The following THSD7B variants were observed in gnomAD, a reference collection of about 807,000 sequenced individuals.
THSD7B encodes thrombospondin type 1 domain containing 7B.
THSD7B carries 138 observed loss-of-function variants against 213.6 expected under a neutral mutation model. The observed-to-expected ratio is 0.65, with a 90% confidence interval of 0.56 to 0.74. THSD7B has a LOEUF of 0.74. Ranked by LOEUF, THSD7B falls within the 30% of genes least tolerant of loss-of-function variation. THSD7B has a pLI of 0.00. For synonymous variants in THSD7B, 742 were observed against 687.0 expected (o/e 1.08, Z -1.25); for missense variants, 1,931 against 1,991.5 (o/e 0.97, Z 0.58).
At chr2:136,880,573 C>A (rs1683602138) in intron 1 of THSD7B, among the ~76,000 whole-genome samples, 1 of 152,094 alleles carries the variant, frequency 6.6e-6, no homozygotes, top group South Asian at 2.1e-4. Flanking sequence ...CTCAAATGTG[C>A]CCCTCTTCCT....
At chr2:137,240,401 C>G (rs1681874534) in intron 9 of THSD7B, among the ~76,000 whole-genome samples, 1 of 152,160 alleles carries the variant, frequency 6.6e-6, no homozygotes, top group African/African-American at 2.4e-5. Context: ...GATTCCTCTC[C>G]CTTCTTAGAT....
intron 2 of THSD7B, among the ~76,000 whole-genome samples, chr2:136,905,387 A>G (rs1684142547): frequency 6.6e-6 from 1 of 152,208 alleles, no homozygotes; most frequent in African/African-American, 2.4e-5. Context: ...TTATTGAAAG[A>G]AAAGCTAATA....
At chr2:136,900,350 C>T (rs1012995407) in intron 2 of THSD7B, among the ~76,000 whole-genome samples, 1 of 151,996 alleles carries the variant, frequency 6.6e-6, no homozygotes, top group African/African-American at 2.4e-5. Flanking sequence ...AAAAAGTTTC[C>T]TTTGGCTCCT....
intron 14 of THSD7B, among the ~76,000 whole-genome samples, chr2:137,444,895 A>G (rs1030520676): frequency 4.6e-5 from 7 of 152,002 alleles, no homozygotes; most frequent in African/African-American, 1.7e-4. Flanking sequence ...TAACCAGAAT[A>G]TAAAAGGAAC....
chr2:137,170,897 T>A lies in THSD7B; in HGVS notation c.1682T>A (p.Leu561Gln). The part of the protein sequence containing the change: ...ICFPDHGKCG[L>Q]GHRILKAVCQ... ...TTCCCTGATCATGGAAAATGTGGCC[T>A]GGGACATCGTATTCTGAAGGCCGTC... is the stretch of plus-strand genomic sequence containing the variant. Residue 561 changes from leucine to glutamine, a missense_variant, in exon 7 of 28, where the codon CTG becomes CAG. Physicochemically the swap from Leu to Gln is moderately radical, Grantham distance 113. Transcript: ENST00000409968. The A allele has an allele frequency of 6.2e-7, 1 of 1,613,306 alleles. No individual in the cohort carries two copies. Among genetic ancestry groups the A allele is most frequent in the Non-Finnish European group, 8.5e-7 (1 of 1,179,742 alleles).
At chr2:137,212,825 G>T (rs1681147492) in intron 7 of THSD7B, among the ~76,000 whole-genome samples, 1 of 151,994 alleles carries the variant, frequency 6.6e-6, no homozygotes, top group South Asian at 2.1e-4. Flanking sequence ...ACAAAACCAA[G>T]ATGCTATAAA....
intron 7 of THSD7B, among the ~76,000 whole-genome samples, chr2:137,210,183 A>G (rs1291266624): frequency 6.6e-6 from 1 of 152,082 alleles, no homozygotes; most frequent in African/African-American, 2.4e-5. Flanking sequence ...GTAGTCCAAG[A>G]AAATTAACAC....
chr2:137,138,821 A>G (rs1003940480), intron 5 of THSD7B, among the ~76,000 whole-genome samples: 1 of 152,116 alleles, frequency 6.6e-6, no homozygotes, highest in Non-Finnish European at 1.5e-5. Flanking sequence ...TTCCTTTTCA[A>G]TATCAAATTT....
chr2:137,670,975 T>G (rs1417064748), intron 27 of THSD7B, among the ~76,000 whole-genome samples: 3 of 151,702 alleles, frequency 2.0e-5, no homozygotes, highest in African/African-American at 7.3e-5. Flanking sequence ...TAATTTCATA[T>G]TCATAATAGA....
At chr2:137,204,853 A>T (rs1680950438) in intron 7 of THSD7B, among the ~76,000 whole-genome samples, 1 of 152,122 alleles carries the variant, frequency 6.6e-6, no homozygotes, top group Non-Finnish European at 1.5e-5. Context: ...AAGGAAAAAA[A>T]GTCGCTGAAA....
chr2:136,944,361 G>A (rs1174410470), intron 2 of THSD7B, among the ~76,000 whole-genome samples: 1 of 152,202 alleles, frequency 6.6e-6, no homozygotes, highest in Non-Finnish European at 1.5e-5. Flanking sequence ...GTATTCTCTT[G>A]ATTTAGGGAG....
intron 17 of THSD7B, among the ~76,000 whole-genome samples, chr2:137,603,313 T>A (rs1433780677): frequency 1.3e-5 from 2 of 152,240 alleles, no homozygotes. Context: ...GAGAAATGAA[T>A]TTTATTTCTG....
intron 15 of THSD7B, among the ~76,000 whole-genome samples, chr2:137,490,780 A>G (rs1448912): frequency 0.23 from 34,431 of 152,174 alleles, 4,054 homozygotes; most frequent in South Asian, 0.27. Flanking sequence ...GGTCCCAGGG[A>G]TAATGGACAT....
chr2:137,059,719 T>G (rs2104879826), intron 3 of THSD7B, among the ~76,000 whole-genome samples: 1 of 152,370 alleles, frequency 6.6e-6, no homozygotes, highest in Admixed American at 6.5e-5. Context: ...AGCTTATTTC[T>G]TTTTATCACT....
intron 3 of THSD7B, among the ~76,000 whole-genome samples, chr2:137,073,334 AGG>A (rs1687541022): frequency 2.0e-5 from 3 of 152,130 alleles, no homozygotes; most frequent in Non-Finnish European, 4.4e-5. Context: ...TAGTCTTGGG[AGG>A]ATGTATGTGT....
chr2:137,250,295 A>C (rs980348292), intron 10 of THSD7B, among the ~76,000 whole-genome samples: 4 of 152,184 alleles, frequency 2.6e-5, no homozygotes, highest in African/African-American at 7.2e-5. Context: ...ATGGGGTATA[A>C]TGTGATGTTT....
rs147404553 is a variant in THSD7B, at chr2:136,868,120, G to GCGCA, written c.-35-14023_-35-14022insGCAC. 4.1e-3 allele frequency among the ~76,000 whole-genome samples: 606 copies of GCGCA among 149,256 alleles called. 24 individuals are homozygous for GCGCA. The East Asian group carries it at 0.088, about 22-fold the overall frequency. ...CCACACCACACACACACACGCGCGC[G>GCGCA]CACACACACACACACACACACATCC... On this transcript the variant is annotated intron_variant, in intron 1 of 27. Coordinates refer to ENST00000409968, the MANE Select transcript of THSD7B (RefSeq NM_001316349.2).
intron 7 of THSD7B, among the ~76,000 whole-genome samples, chr2:137,176,611 C>A (rs1430783738): frequency 6.6e-6 from 1 of 152,160 alleles, no homozygotes; most frequent in African/African-American, 2.4e-5. Context: ...ATCCCCTTGG[C>A]CATTTCCCAT....
rs549805496 is a variant in THSD7B, at chr2:137,174,874, A to G, written c.1723+3936A>G. ...TTGACAAGTATGTTTCCTCATTTCAAAGTAGCACTTGAAATGTAAATGGAG... is the reference window on the plus strand; with the variant it reads ...TTGACAAGTATGTTTCCTCATTTCAGAGTAGCACTTGAAATGTAAATGGAG... On this transcript the variant is annotated intron_variant, in intron 7 of 27. Transcript: ENST00000409968. Among the ~76,000 whole-genome samples the G allele has an allele frequency of 2.0e-4, 31 of 152,312 alleles. No homozygotes were observed. In the South Asian group the frequency reaches 2.9e-3, roughly 14 times the overall value.
Sources: allele counts gnomAD v4.1 joint callset (sites outside exome capture counted in the v4.1 genomes callset), GRCh38; gene constraint gnomAD v4.1.1; transcripts MANE v1.5; gene names NCBI Gene and HGNC (gene_info 2026-07-23, HGNC 2026-07-21).